Variants in RAPGEF5 observed in about 807,000 individuals in gnomAD.
RAPGEF5 encodes the protein M-Ras-regulated GEF.
Under a neutral mutation model 125.2 loss-of-function variants are expected in RAPGEF5, and 65 were observed. The ratio of observed to expected loss-of-function variants is 0.52; its 90% confidence interval spans 0.43 to 0.64. The LOEUF is 0.64. RAPGEF5 is among the 30% of genes least tolerant of loss of function. The probability of loss-of-function intolerance (pLI) is 0.00; values close to 1 mark genes in which losing one functional copy is unlikely to be tolerated. For missense variants in RAPGEF5, 958 were observed against 1,048.1 expected (o/e 0.91, Z 1.19); for synonymous variants, 391 against 385.9 (o/e 1.01, Z -0.16).
intron 4 of RAPGEF5, 53 bp downstream of exon 4, chr7:22,309,916 A>C: frequency 6.7e-7 from 1 of 1,500,854 alleles, no homozygotes; most frequent in Non-Finnish European, 8.8e-7. Flanking sequence ...GTGTATTTTC[A>C]TCTGATAGCT....
intron 25 of RAPGEF5, 140 bp from the exon 26 acceptor site, chr7:22,122,661 G>A: frequency 1.6e-6 from 1 of 622,606 alleles, no homozygotes; most frequent in Non-Finnish European, 2.9e-6. Context: ...AGGTGTCCTT[G>A]TCCTACAGTA....
intron 6 of RAPGEF5, among the ~76,000 whole-genome samples, chr7:22,268,919 A>G (rs889794717): frequency 4.6e-5 from 7 of 152,166 alleles, no homozygotes; most frequent in Non-Finnish European, 8.8e-5. Context: ...GAAAGAAAGG[A>G]AAGAATGAGA....
chr7:22,296,140 C>T (rs773577146), intron 5 of RAPGEF5, among the ~76,000 whole-genome samples: 3 of 152,054 alleles, frequency 2.0e-5, no homozygotes, highest in Non-Finnish European at 4.4e-5. Context: ...TGGGTGAGGG[C>T]ACATCCAAAG....
At chr7:22,190,262 A>T (rs1308770677) in intron 11 of RAPGEF5, among the ~76,000 whole-genome samples, 1 of 147,034 alleles carries the variant, frequency 6.8e-6, no homozygotes, top group Non-Finnish European at 1.5e-5. Context: ...ACAGACAGAC[A>T]CTCCGTCTCA....
chr7:22,353,671 G>C (rs1353259373), intron 1 of RAPGEF5, among the ~76,000 whole-genome samples: 1 of 152,174 alleles, frequency 6.6e-6, no homozygotes, highest in Non-Finnish European at 1.5e-5. Flanking sequence ...GCATTACTTT[G>C]CTACTGATTT....
chr7:22,339,261 C>T (rs1211239863), intron 1 of RAPGEF5, among the ~76,000 whole-genome samples: 3 of 152,190 alleles, frequency 2.0e-5, no homozygotes, highest in African/African-American at 4.8e-5. Context: ...ACCTTCACTC[C>T]TGCTCTAAAA....
intron 1 of RAPGEF5, among the ~76,000 whole-genome samples, chr7:22,320,088 C>T (rs1242713918): frequency 6.6e-6 from 1 of 152,144 alleles, no homozygotes; most frequent in East Asian, 1.9e-4. Flanking sequence ...GCTACTGGCC[C>T]CAGGAACTCA....
chr7:22,132,396 G>A (rs1394711362), intron 23 of RAPGEF5, among the ~76,000 whole-genome samples: 1 of 141,462 alleles, frequency 7.1e-6, no homozygotes, highest in African/African-American at 2.7e-5. Context: ...TTTTTTGCTT[G>A]TAAACTGATG....
intron 3 of RAPGEF5, 135 bp downstream of exon 3, chr7:22,315,235 T>C: frequency 1.0e-6 from 1 of 994,162 alleles, no homozygotes; most frequent in Admixed American, 3.8e-5. Context: ...CACCATCAGT[T>C]TCCCCAATAG....
At chr7:22,220,198 CG>C in intron 8 of RAPGEF5, 1 of 565,104 alleles carries the variant, frequency 1.8e-6, no homozygotes, top group South Asian at 2.7e-5. Context: ...GTTGAGTCTG[CG>C]TATCACCCTA....
intron 7 of RAPGEF5, among the ~76,000 whole-genome samples, chr7:22,256,527 A>G (rs761607990): frequency 6.6e-6 from 1 of 151,412 alleles, no homozygotes; most frequent in Non-Finnish European, 1.5e-5. Context: ...AATAAAACAG[A>G]GCCTGGAGGT....
intron 10 of RAPGEF5, 80 bp downstream of exon 10, chr7:22,193,835 A>C: frequency 6.2e-7 from 1 of 1,612,060 alleles, no homozygotes; most frequent in Non-Finnish European, 8.5e-7. Flanking sequence ...AGAGCGAGTG[A>C]GATGGAGCAA....
intron 1 of RAPGEF5, among the ~76,000 whole-genome samples, chr7:22,330,842 C>T (rs904518108): frequency 1.3e-5 from 2 of 152,136 alleles, no homozygotes; most frequent in African/African-American, 2.4e-5. Flanking sequence ...TGGTCAATGT[C>T]GTTTTTAGTA....
intron 17 of RAPGEF5, among the ~76,000 whole-genome samples, chr7:22,152,196 T>A (rs192498303): frequency 6.6e-4 from 100 of 152,330 alleles, no homozygotes; most frequent in Non-Finnish European, 1.2e-3. Flanking sequence ...ATCTAATATA[T>A]TCTTTACGGC....
intron 1 of RAPGEF5, among the ~76,000 whole-genome samples, chr7:22,354,177 G>T (rs1009670774): frequency 1.3e-5 from 2 of 152,192 alleles, no homozygotes; most frequent in Non-Finnish European, 2.9e-5. Context: ...ATGTCAGATT[G>T]TCCAGGTTTG....
chr7:22,317,235 T>TC (rs1002917699), intron 2 of RAPGEF5, among the ~76,000 whole-genome samples: 22 of 145,664 alleles, frequency 1.5e-4, no homozygotes, highest in African/African-American at 5.5e-4. Flanking sequence ...AATGCAACTT[T>TC]TTTTTTCTTT....
chr7:22,336,192 C>T (rs577383984), intron 1 of RAPGEF5, among the ~76,000 whole-genome samples: 2 of 152,142 alleles, frequency 1.3e-5, no homozygotes, highest in African/African-American at 2.4e-5. Flanking sequence ...CAGAAAGAGA[C>T]CAATCTTTCT....
At chr7:22,140,360 T>C (rs1783217398) in intron 20 of RAPGEF5, among the ~76,000 whole-genome samples, 1 of 152,194 alleles carries the variant, frequency 6.6e-6, no homozygotes, top group Non-Finnish European at 1.5e-5. Context: ...TTTCACAAGA[T>C]TCCTCCTTTT....
At chr7:22,129,404 A>G (rs1302139171) in intron 24 of RAPGEF5, among the ~76,000 whole-genome samples, 2 of 152,098 alleles carry the variant, frequency 1.3e-5, no homozygotes, top group African/African-American at 4.8e-5. Flanking sequence ...CCACATCTTC[A>G]CAGATGCTCC....
Sources: allele counts gnomAD v4.1 joint callset (sites outside exome capture counted in the v4.1 genomes callset), GRCh38; gene constraint gnomAD v4.1.1; transcripts MANE v1.5; gene names NCBI Gene and HGNC (gene_info 2026-07-23, HGNC 2026-07-21).